PATJ: variants seen among roughly 807,000 people sequenced by gnomAD.
PATJ encodes PATJ crumbs cell polarity complex component.
In PATJ, 190 loss-of-function variants were observed where a neutral mutation model predicts 224.9. The observed-to-expected ratio is 0.84, with a 90% CI of 0.75 to 0.95. The LOEUF (loss-of-function observed/expected upper bound fraction) is 0.95. Among genes scored for constraint, PATJ ranks in the 40% least tolerant of loss-of-function variants. The pLI is 0.00. For synonymous variants in PATJ, 769 were observed against 820.3 expected (o/e 0.94, Z 1.07); for missense variants, 2,121 against 2,270.3 (o/e 0.93, Z 1.34).
At chr1:61,932,062 A>G (rs375993994) in intron 27 of PATJ, among the ~76,000 whole-genome samples, 1 of 152,186 alleles carries the variant, frequency 6.6e-6, no homozygotes, top group African/African-American at 2.4e-5. Flanking sequence ...CGCAACCTGC[A>G]TTATGAAAAA....
At chr1:62,090,653 C>T (rs1275141199) in intron 33 of PATJ, among the ~76,000 whole-genome samples, 1 of 152,096 alleles carries the variant, frequency 6.6e-6, no homozygotes, top group Non-Finnish European at 1.5e-5. Flanking sequence ...TCCTTCTATC[C>T]ATCAGTCCAT....
At chr1:62,074,298 G>A (rs1447872630) in intron 31 of PATJ, among the ~76,000 whole-genome samples, 1 of 151,478 alleles carries the variant, frequency 6.6e-6, no homozygotes, top group Non-Finnish European at 1.5e-5. Flanking sequence ...CATGGCACAT[G>A]TATACATATG....
chr1:61,760,107 CTGCCCT>C (rs1645879431), intron 1 of PATJ, among the ~76,000 whole-genome samples: 1 of 152,168 alleles, frequency 6.6e-6, no homozygotes. Context: ...GCTGTCATGA[CTGCCCT>C]TTTGTTATTC....
intron 27 of PATJ, among the ~76,000 whole-genome samples, chr1:61,949,182 T>C (rs1329818892): frequency 6.6e-6 from 1 of 151,470 alleles, no homozygotes; most frequent in Non-Finnish European, 1.5e-5. Flanking sequence ...CTGTACATTG[T>C]GCACGTGTAC....
intron 17 of PATJ, 56 bp from the exon 18 acceptor site, chr1:61,855,974 G>C: frequency 7.6e-7 from 1 of 1,307,814 alleles, no homozygotes; most frequent in East Asian, 2.3e-5. Context: ...CTGTCCTAAG[G>C]CTGCATATTT....
intron 4 of PATJ, among the ~76,000 whole-genome samples, chr1:61,767,013 A>G (rs1232820618): frequency 6.6e-6 from 1 of 152,110 alleles, no homozygotes; most frequent in East Asian, 1.9e-4. Flanking sequence ...GAATCGCTTG[A>G]ACCCCAGAGG....
At chr1:61,982,952 T>C (rs920669490) in intron 27 of PATJ, among the ~76,000 whole-genome samples, 2 of 152,054 alleles carry the variant, frequency 1.3e-5, no homozygotes, top group African/African-American at 4.8e-5. Context: ...AATAAAAGAA[T>C]ACTCTTTACC....
At chr1:62,057,521 C>A (rs1052972980) in intron 31 of PATJ, among the ~76,000 whole-genome samples, 2 of 152,144 alleles carry the variant, frequency 1.3e-5, no homozygotes, top group Non-Finnish European at 2.9e-5. Flanking sequence ...GACGCTGATG[C>A]CCTGGTTGAG....
At chr1:61,945,055 T>G (rs1678453204) in intron 27 of PATJ, among the ~76,000 whole-genome samples, 1 of 152,108 alleles carries the variant, frequency 6.6e-6, no homozygotes, top group Non-Finnish European at 1.5e-5. Context: ...CAGGCCTGCC[T>G]TACAAGAGCT....
At chr1:62,158,527 G>A (rs1262510433) in intron 43 of PATJ, among the ~76,000 whole-genome samples, 1 of 148,380 alleles carries the variant, frequency 6.7e-6, no homozygotes. Flanking sequence ...AGACCATCCT[G>A]GCTAACACGG....
At chr1:61,821,308 T>G (rs1472967832) in intron 14 of PATJ, among the ~76,000 whole-genome samples, 1 of 152,132 alleles carries the variant, frequency 6.6e-6, no homozygotes, top group Non-Finnish European at 1.5e-5. Context: ...CCTCCCAAAG[T>G]GTTGGGATTA....
intron 24 of PATJ, 95 bp downstream of exon 24, chr1:61,901,554 C>T (rs948270341): frequency 1.4e-5 from 12 of 845,486 alleles, no homozygotes; most frequent in Non-Finnish European, 2.0e-5. Context: ...GTGTTGGGGA[C>T]CGTGTGTGTA....
intron 22 of PATJ, among the ~76,000 whole-genome samples, chr1:61,892,923 CTGAT>C (rs59249838): frequency 0.022 from 3,373 of 152,242 alleles, 64 homozygotes; most frequent in Non-Finnish European, 0.033. Context: ...GAGTTTCTAA[CTGAT>C]TGAGCTATTG....
At chr1:61,933,232 C>T (rs1037928489) in intron 27 of PATJ, among the ~76,000 whole-genome samples, 9 of 152,078 alleles carry the variant, frequency 5.9e-5, no homozygotes, top group African/African-American at 2.2e-4. Flanking sequence ...GAACTTTTGA[C>T]TTAACTTTGT....
At chr1:61,968,263 C>T (rs1179029030) in intron 27 of PATJ, among the ~76,000 whole-genome samples, 1 of 152,094 alleles carries the variant, frequency 6.6e-6, no homozygotes, top group African/African-American at 2.4e-5. Flanking sequence ...GGGATAGATG[C>T]TTTCTTTCAT....
intron 34 of PATJ, among the ~76,000 whole-genome samples, chr1:62,110,599 T>A (rs1207604422): frequency 6.6e-6 from 1 of 152,204 alleles, no homozygotes; most frequent in Admixed American, 6.5e-5. Context: ...GAGCGTCAGC[T>A]GTGTCTCCTT....
chr1:62,048,545 CAAAAAAAAA>C (rs773157635), intron 30 of PATJ, among the ~76,000 whole-genome samples: 5 of 66,166 alleles, frequency 7.6e-5, no homozygotes, highest in Non-Finnish European at 1.6e-4. Context: ...GACTCTGTCT[CAAAAAAAAA>C]AAAAAAAAAA....
At chr1:61,862,354 G>A (rs1193016639) in intron 19 of PATJ, among the ~76,000 whole-genome samples, 1 of 151,534 alleles carries the variant, frequency 6.6e-6, no homozygotes, top group African/African-American at 2.4e-5. Flanking sequence ...GCGCCACCAC[G>A]CCTGGCTAAT....
At chr1:61,925,949 A>G (rs1675133088) in intron 26 of PATJ, among the ~76,000 whole-genome samples, 1 of 152,236 alleles carries the variant, frequency 6.6e-6, no homozygotes, top group African/African-American at 2.4e-5. Context: ...GACTAAAATC[A>G]TTTGCATCTC....
Sources: gnomAD v4.1 joint callset for allele counts (sites outside exome capture counted in the v4.1 genomes callset) on GRCh38, gnomAD v4.1.1 for gene constraint, MANE v1.5 for transcripts, NCBI Gene and HGNC (gene_info 2026-07-23, HGNC 2026-07-21) for gene names.